The following WDFY3 variants were observed in gnomAD, a reference collection of about 807,000 sequenced individuals.
The protein encoded by WDFY3 is WD repeat and FYVE domain-containing protein 3.
In WDFY3, 66 loss-of-function variants were observed where a neutral mutation model predicts 409.6. The observed-to-expected ratio is 0.16, with a 90% CI of 0.13 to 0.20. The LOEUF is 0.20. Among genes scored for constraint, WDFY3 ranks in the 10% least tolerant of loss-of-function variants. WDFY3 has a pLI of 1.00. For synonymous variants in WDFY3, 1,521 were observed against 1,537.1 expected (o/e 0.99, Z 0.25); for missense variants, 3,031 against 4,298.1 (o/e 0.71, Z 8.24).
At chr4:84,702,923 C>A (rs62303076) in intron 55 of WDFY3, among the ~76,000 whole-genome samples, 1 of 151,966 alleles carries the variant, frequency 6.6e-6, no homozygotes, top group South Asian at 2.1e-4. Context: ...GGTGAAACCC[C>A]GTCTCTACTA....
At position 84,850,038 on chromosome 4, in the gene WDFY3, A is replaced by G. The variant is rs1758660002; in HGVS notation, c.181-13T>C. On this transcript the variant is annotated splice_polypyrimidine_tract_variant and intron_variant, in intron 4 of 67. Transcript: ENST00000295888. ...CATTTCCAAAAACCTGTAGATAAGA[A>G]AAGACATTGTTAATGAAGCACTGAC... 1 of 1,566,432 alleles carries G rather than the reference A, an allele frequency of 6.4e-7. No individual in the cohort carries two copies. Among genetic ancestry groups the G allele is most frequent in the South Asian group, 1.2e-5 (1 of 83,192 alleles).
chr4:84,933,225 CA>C (rs1770990626), intron 1 of WDFY3, among the ~76,000 whole-genome samples: 1 of 151,882 alleles, frequency 6.6e-6, no homozygotes, highest in African/African-American at 2.4e-5. Flanking sequence ...TATTATAGTT[CA>C]AACAAAATCA....
At chr4:84,818,152 C>A (rs932474492) in intron 12 of WDFY3, among the ~76,000 whole-genome samples, 1 of 152,082 alleles carries the variant, frequency 6.6e-6, no homozygotes. Flanking sequence ...ATACTCATCC[C>A]CTACCATATA....
Position 84,740,405 on chromosome 4 carries a change from T to A in WDFY3, c.6246A>T (p.Arg2082Ser). The part of the protein sequence containing the change: ...IIQLIAQSKR[R>S]SQGLSLDAVY... ...CTGCATCCAGTGACAATCCCTGTGA[T>A]CTTCTCTTTGACTAAAGACATGAAA... Residue 2082 changes from arginine to serine, a missense_variant, in exon 39 of 68, where the codon AGA becomes AGT. Arg to Ser is a moderately radical substitution (Grantham distance 110). Around this residue, in one of 16 missense-constraint regions of WDFY3, gnomAD observed 314 missense variants for 397.4 expected, o/e 0.79. Coordinates refer to ENST00000295888, the MANE Select transcript of WDFY3 (RefSeq NM_014991.6). 1 of 1,614,170 alleles carries A rather than the reference T, an allele frequency of 6.2e-7. No homozygotes were observed. The highest frequency in any genetic ancestry group is 8.5e-7 in the Non-Finnish European group (1 of 1,180,008).
intron 13 of WDFY3, among the ~76,000 whole-genome samples, chr4:84,816,075 C>T (rs1332945397): frequency 2.0e-5 from 3 of 151,918 alleles, no homozygotes; most frequent in South Asian, 4.1e-4. Context: ...TTTACTTTTT[C>T]AAGGCTAACT....
At chr4:84,942,545 T>C (rs908854709) in intron 1 of WDFY3, among the ~76,000 whole-genome samples, 1 of 152,186 alleles carries the variant, frequency 6.6e-6, no homozygotes, top group Non-Finnish European at 1.5e-5. Flanking sequence ...GAATGGAATT[T>C]ATAGATCCTA....
intron 3 of WDFY3, among the ~76,000 whole-genome samples, chr4:84,895,813 G>T (rs1218725917): frequency 6.6e-6 from 1 of 152,164 alleles, no homozygotes; most frequent in Non-Finnish European, 1.5e-5. Context: ...ATATCTTTCA[G>T]GATCAAAAGA....
intron 2 of WDFY3, among the ~76,000 whole-genome samples, chr4:84,921,971 T>C (rs1769352765): frequency 6.6e-6 from 1 of 151,828 alleles, no homozygotes; most frequent in Non-Finnish European, 1.5e-5. Flanking sequence ...CATTTTTAGA[T>C]TTTCAATTTC....
Position 84,736,304 on chromosome 4 carries a change from G to A in WDFY3, c.6781C>T (p.Arg2261Ter). 1 of 1,599,270 alleles carries A rather than the reference G, an allele frequency of 6.3e-7. No homozygotes were observed. Among genetic ancestry groups the A allele is most frequent in the Non-Finnish European group, 8.5e-7 (1 of 1,174,314 alleles). ...HLAHEKKCIS[R>*]GEALAPTTQS... ...GTGGTGGGCGCTAAAGCTTCTCCTCGACTTATGCATTTCTTTTCATGGGCT... is the reference window on the plus strand; with the variant it reads ...GTGGTGGGCGCTAAAGCTTCTCCTCAACTTATGCATTTCTTTTCATGGGCT... The change falls in exon 42 of 68, where the codon CGA becomes TGA. Residue 2261 changes from arginine to a stop codon, truncating the protein, a stop_gained. Transcript: ENST00000295888. LOFTEE classifies it high-confidence loss of function.
intron 66 of WDFY3, 42 bp downstream of exon 66, chr4:84,678,126 G>A: frequency 6.6e-7 from 1 of 1,509,984 alleles, no homozygotes; most frequent in Non-Finnish European, 9.2e-7. Flanking sequence ...CTAACCAAAT[G>A]ACTCAGATGG....
chr4:84,678,330 T>C (rs370396388), intron 65 of WDFY3, 51 bp from the exon 66 acceptor site: 29 of 1,362,656 alleles, frequency 2.1e-5, no homozygotes, highest in Non-Finnish European at 2.9e-5. Context: ...GAGAAGCCAA[T>C]ACTGGGGAGA....
chr4:84,764,843 C>T (rs1354492651), intron 32 of WDFY3, among the ~76,000 whole-genome samples: 9 of 147,856 alleles, frequency 6.1e-5, no homozygotes, highest in East Asian at 4.0e-4. Flanking sequence ...CCAGCCTGGG[C>T]GACAGAGCTA....
rs72330113 is a variant in WDFY3 at position 84,833,711 on chromosome 4, CAGAACAGAAG to C, written c.577-2116_577-2107del. On this transcript the variant is annotated intron_variant, in intron 7 of 67. Coordinates refer to ENST00000295888, the MANE Select transcript of WDFY3 (RefSeq NM_014991.6). ...GAAAAGAGAAGAGAAGAGAAGAGAACAGAACAGAAGAGAACAGAAGAGAACAGAAGAGAAG... is the reference window on the plus strand; with the variant it reads ...GAAAAGAGAAGAGAAGAGAAGAGAACAGAACAGAAGAGAACAGAAGAGAAG... Among the ~76,000 whole-genome samples the C allele has an allele frequency of 5.1e-3, 763 of 151,030 alleles. 6 individuals are homozygous for C. The highest frequency in any genetic ancestry group is 0.031 in the Middle Eastern group (9 of 294).
chr4:84,867,534 T>C (rs1761556604), intron 3 of WDFY3, among the ~76,000 whole-genome samples: 1 of 152,222 alleles, frequency 6.6e-6, no homozygotes, highest in Non-Finnish European at 1.5e-5. Flanking sequence ...CAGGGGCTTA[T>C]TTAAATAGCA....
In WDFY3 at chr4:84,743,815, T is replaced by C. The variant is rs755466672; in HGVS notation, c.5974-16A>G. The C allele has an allele frequency of 9.0e-6, 14 of 1,554,102 alleles. No homozygotes were observed. The South Asian group carries it at 1.5e-4, about 17-fold the overall frequency. ...CAGGGGAAGCCTAATCAAGAAAATTTAGAATTAGAAACAGAACCAACTAAA... is the reference window on the plus strand; with the variant it reads ...CAGGGGAAGCCTAATCAAGAAAATTCAGAATTAGAAACAGAACCAACTAAA... On this transcript the variant is annotated splice_polypyrimidine_tract_variant and intron_variant, in intron 36 of 67. Coordinates refer to ENST00000295888, the MANE Select transcript of WDFY3 (RefSeq NM_014991.6).
intron 27 of WDFY3, among the ~76,000 whole-genome samples, chr4:84,775,359 A>C (rs1423072978): frequency 6.6e-6 from 1 of 152,088 alleles, no homozygotes; most frequent in Non-Finnish European, 1.5e-5. Flanking sequence ...GCTAGTTCAA[A>C]TACCCTCCAT....
At chr4:84,718,701 A>C in intron 47 of WDFY3, 131 bp from the exon 48 acceptor site, 1 of 1,116,814 alleles carries the variant, frequency 9.0e-7, no homozygotes, top group Non-Finnish European at 1.2e-6. Context: ...GATTAAGCTT[A>C]GATTACAGTC....
At chr4:84,775,339 C>T (rs1745369422) in intron 27 of WDFY3, among the ~76,000 whole-genome samples, 1 of 151,894 alleles carries the variant, frequency 6.6e-6, no homozygotes, top group African/African-American at 2.4e-5. Context: ...AATTATCACA[C>T]TTTTACAAAG....
At chr4:84,855,933 A>G (rs1759703713) in intron 4 of WDFY3, among the ~76,000 whole-genome samples, 1 of 152,166 alleles carries the variant, frequency 6.6e-6, no homozygotes, top group Non-Finnish European at 1.5e-5. Context: ...GAGAATATGC[A>G]TTCTCATCTG....
Sources: gnomAD v4.1 joint callset for allele counts (sites outside exome capture counted in the v4.1 genomes callset) on GRCh38, gnomAD v4.1.1 for gene constraint, gnomAD v4.1.1 regional missense constraint, MANE v1.5 for transcripts, NCBI Gene and HGNC (gene_info 2026-07-23, HGNC 2026-07-21) for gene names.